TRMT11: variants seen among roughly 807,000 people sequenced by gnomAD.
TRMT11 encodes tRNA methyltransferase 11, also known as tRNA (guanine(10)-N(2))-methyltransferase TRMT11.
Under a neutral mutation model 62.8 loss-of-function variants are expected in TRMT11, and 53 were observed. The observed-to-expected ratio is 0.84, with a 90% CI of 0.68 to 1.06. TRMT11 has a LOEUF of 1.06. TRMT11 is among the 50% of genes least tolerant of loss of function. The pLI is 0.00. For missense variants in TRMT11, 556 were observed against 553.4 expected (o/e 1.00, Z -0.05); for synonymous variants, 188 against 190.3 (o/e 0.99, Z 0.10).
At chr6:126,213,432 T>G in the TRMT11 span, among the ~76,000 whole-genome samples, 1,005 of 152,106 alleles carry the variant, frequency 6.6e-3, 17 homozygotes, top group African/African-American at 0.023. Flanking sequence ...TTTTTGGTGT[T>G]TGCTTCAATT....
the TRMT11 span, chr6:126,258,158 G>GA: frequency 1.3e-6 from 1 of 749,794 alleles, no homozygotes. Context: ...CCTCCAGGTT[G>GA]AGGCACTTTG....
At chr6:126,089,245 C>CTGGGATTACA (rs1222900148) in intron 17 of TRMT11, among the ~76,000 whole-genome samples, 1 of 151,898 alleles carries the variant, frequency 6.6e-6, no homozygotes, top group Non-Finnish European at 1.5e-5. Flanking sequence ...TCCTGAGTAG[C>CTGGGATTACA]TGGGATTACA....
chr6:126,217,069 C>T, the TRMT11 span, among the ~76,000 whole-genome samples: 430 of 152,208 alleles, frequency 2.8e-3, 4 homozygotes, highest in African/African-American at 9.9e-3. Context: ...TTTCAACTCC[C>T]GAATTGCTGC....
At chr6:126,114,980 C>A (rs1777570977) in intron 19 of TRMT11, among the ~76,000 whole-genome samples, 1 of 151,968 alleles carries the variant, frequency 6.6e-6, no homozygotes, top group Non-Finnish European at 1.5e-5. Flanking sequence ...TCCCTTGGTT[C>A]AATTTTAGTT....
intron 17 of TRMT11, among the ~76,000 whole-genome samples, chr6:126,075,443 G>A (rs1212711781): frequency 2.6e-5 from 4 of 151,932 alleles, no homozygotes; most frequent in African/African-American, 7.3e-5. Context: ...GAGTTCTCAT[G>A]AGATCCGATT....
At chr6:126,168,595 C>T (rs906091896) in intron 21 of TRMT11, among the ~76,000 whole-genome samples, 14 of 152,060 alleles carry the variant, frequency 9.2e-5, no homozygotes, top group Non-Finnish European at 1.5e-4. Flanking sequence ...CTTGGCTCAC[C>T]GCAACCTCTG....
At chr6:126,065,336 G>A (rs1318165594) in intron 17 of TRMT11, among the ~76,000 whole-genome samples, 2 of 152,074 alleles carry the variant, frequency 1.3e-5, no homozygotes, top group African/African-American at 4.8e-5. Context: ...GCTGGAGTGG[G>A]AGCTGAGTCC....
At chr6:126,265,442 C>G in the TRMT11 span, among the ~76,000 whole-genome samples, 1 of 151,888 alleles carries the variant, frequency 6.6e-6, no homozygotes, top group Non-Finnish European at 1.5e-5. Context: ...AATTGTAATT[C>G]TATTTAATTA....
the TRMT11 span, among the ~76,000 whole-genome samples, chr6:126,242,792 A>G: frequency 6.6e-6 from 1 of 152,212 alleles, no homozygotes; most frequent in Non-Finnish European, 1.5e-5. Flanking sequence ...TTCAAGATGG[A>G]CTAAAGACTT....
At chr6:126,173,357 T>A (rs1194790031), upstream of TRMT11, among the ~76,000 whole-genome samples, 1 of 152,178 alleles carries the variant, frequency 6.6e-6, no homozygotes, top group Non-Finnish European at 1.5e-5. Context: ...AGGTCATAGA[T>A]ATAAATTACA....
chr6:126,098,044 T>A (rs1268294080), intron 17 of TRMT11, among the ~76,000 whole-genome samples: 1 of 152,126 alleles, frequency 6.6e-6, no homozygotes, highest in Non-Finnish European at 1.5e-5. Context: ...GAGCATGTGG[T>A]CTAGCCTGGA....
At chr6:126,247,766 G>C in the TRMT11 span, among the ~76,000 whole-genome samples, 1 of 151,610 alleles carries the variant, frequency 6.6e-6, no homozygotes, top group African/African-American at 2.4e-5. Context: ...TAGAAGATCC[G>C]TCGGGGAAAG....
rs111734779 is a variant in TRMT11 at position 126,100,202 on chromosome 6, G to A, written c.*1438-12664G>A. 9.9e-3 allele frequency among the ~76,000 whole-genome samples: 1,511 copies of A among 152,204 alleles called. 11 individuals are homozygous for A. The highest frequency in any genetic ancestry group is 0.015 in the Non-Finnish European group (1,006 of 68,000). The stretch of plus-strand genomic sequence containing the variant: ...CAAGCCAGTATGAGATTCTTGAGTT[G>A]GTTTCAGTTATATTTGATGATATAA... On this transcript the variant is annotated intron_variant and NMD_transcript_variant, in intron 17 of 22. Coordinates refer to the TRMT11 transcript ENST00000648977.
intron 17 of TRMT11, among the ~76,000 whole-genome samples, chr6:126,078,092 C>T (rs576527252): frequency 6.6e-6 from 1 of 152,218 alleles, no homozygotes; most frequent in Non-Finnish European, 1.5e-5. Flanking sequence ...ATTTTATGCT[C>T]ATTGGAGAGA....
chr6:126,078,577 T>C (rs1279566973), intron 17 of TRMT11, among the ~76,000 whole-genome samples: 1 of 152,182 alleles, frequency 6.6e-6, no homozygotes, highest in African/African-American at 2.4e-5. Flanking sequence ...GCATTTGTCA[T>C]GGGCCCTGGA....
the TRMT11 span, among the ~76,000 whole-genome samples, chr6:126,226,573 CTATTATAGAAATGTAAA>C: frequency 6.6e-6 from 1 of 151,852 alleles, no homozygotes; most frequent in Admixed American, 6.6e-5. Context: ...TGTTTGTTGC[CTATTATAGAAATGTAAA>C]TATTATAGTA....
intron 17 of TRMT11, among the ~76,000 whole-genome samples, chr6:126,071,026 G>T (rs1455801597): frequency 6.6e-6 from 1 of 152,150 alleles, no homozygotes; most frequent in Non-Finnish European, 1.5e-5. Flanking sequence ...GACCTGAGCT[G>T]GTCATGAAGA....
At position 126,198,696 on chromosome 6, in the gene TRMT11, C is replaced by T. The variant is rs1469714943; in HGVS notation, n.144-103C>T. The T allele has an allele frequency of 2.0e-5, 3 of 152,234 alleles. No individual in the cohort carries two copies. In the East Asian group the frequency reaches 5.8e-4, roughly 29 times the overall value. The allele number at this position is 152,234 out of a possible 1,614,324, so 9.4% of individuals were successfully genotyped here. ...CTGAAAGGCTGCCACAGAAATCCAG[C>T]AAACGTGAGAATGTCTTGCACTATG... On this transcript the variant is annotated intron_variant and non_coding_transcript_variant, in intron 1 of 3. Coordinates refer to the TRMT11 transcript ENST00000444229.
intron 17 of TRMT11, among the ~76,000 whole-genome samples, chr6:126,069,668 T>C (rs1258328224): frequency 6.6e-6 from 1 of 152,188 alleles, no homozygotes; most frequent in Non-Finnish European, 1.5e-5. Flanking sequence ...CTCCAGTTGC[T>C]GCCGCCAGCA....
Sources: gnomAD v4.1 joint callset for allele counts (sites outside exome capture counted in the v4.1 genomes callset) on GRCh38, gnomAD v4.1.1 for gene constraint, MANE v1.5 for transcripts, NCBI Gene and HGNC (gene_info 2026-07-23, HGNC 2026-07-21) for gene names.